DGKH: variants seen among roughly 807,000 people sequenced by gnomAD.
DGKH encodes DAG kinase eta.
Under a neutral mutation model 159.3 loss-of-function variants are expected in DGKH, and 90 were observed. That is an observed-to-expected ratio of 0.57 (90% CI 0.48 to 0.67). The LOEUF (loss-of-function observed/expected upper bound fraction) is 0.67, where lower values mean the gene tolerates loss of function less well. DGKH is among the 30% of genes least tolerant of loss of function. The probability of loss-of-function intolerance (pLI) is 0.00; values close to 1 mark genes in which losing one functional copy is unlikely to be tolerated. For missense variants in DGKH, 1,181 were observed against 1,506.1 expected (o/e 0.78, Z 3.57); for synonymous variants, 536 against 553.8 (o/e 0.97, Z 0.45).
intron 11 of DGKH, 56 bp downstream of exon 11, chr13:42,168,874 T>C (rs1179157237): frequency 1.6e-5 from 25 of 1,527,906 alleles, no homozygotes; most frequent in Non-Finnish European, 2.2e-5. Context: ...GAAATCATTT[T>C]TTTGATGATT....
At chr13:42,094,745 A>G (rs1337294981) in intron 1 of DGKH, among the ~76,000 whole-genome samples, 1 of 152,180 alleles carries the variant, frequency 6.6e-6, no homozygotes, top group African/African-American at 2.4e-5. Flanking sequence ...GTTTATGCAA[A>G]GCCCATATGT....
Position 42,221,263 on chromosome 13 carries a change from G to T in DGKH, c.3443-1G>T. ...GGGGGTTTTGCTCTTAACTTTGGTA[G>T]TTCAGAAATGGGGCACAGAGGAAGT... On this transcript the variant is annotated splice_acceptor_variant, in intron 28 of 29. Coordinates refer to ENST00000337343, the MANE Select transcript of DGKH (RefSeq NM_178009.5). LOFTEE classifies it high-confidence loss of function. 6.2e-7 allele frequency: 1 copy of T among 1,613,190 alleles called. No homozygotes were observed. Among genetic ancestry groups the T allele is most frequent in the Non-Finnish European group, 8.5e-7 (1 of 1,179,412 alleles).
intron 3 of DGKH, chr13:42,153,828 C>T (rs1450579292): frequency 2.6e-5 from 4 of 152,340 alleles, no homozygotes; most frequent in African/African-American, 7.2e-5. Flanking sequence ...GTGAGGTTCT[C>T]TTCAATTTCA....
Position 42,200,059 on chromosome 13 carries a change from G to A in DGKH, c.2493+150G>A, listed in dbSNP as rs41288305. The A allele has an allele frequency of 2.7e-3, 1,759 of 643,562 alleles. 5 individuals are homozygous for A. Among genetic ancestry groups the A allele is most frequent in the Non-Finnish European group, 4.0e-3 (1,575 of 389,372 alleles). The allele number at this position is 643,562 out of a possible 1,614,324, so 39.9% of individuals were successfully genotyped here. On this transcript the variant is annotated intron_variant, in intron 20 of 29. Coordinates refer to ENST00000337343, the MANE Select transcript of DGKH (RefSeq NM_178009.5). ...ATGTGATTATCAACTTTGTACTAAA[G>A]GAAGTATATACACAGGATATGAATG... is the stretch of plus-strand genomic sequence containing the variant.
rs866365388 is a variant in DGKH at position 42,237,299 on chromosome 13, T to G, written c.*8111T>G. The G allele has an allele frequency of 4.0e-4, 61 of 152,220 alleles. No individual in the cohort carries two copies. Among genetic ancestry groups the G allele is most frequent in the African/African-American group, 1.4e-3 (58 of 41,450 alleles). The allele number at this position is 152,220 out of a possible 1,614,324, so 9.4% of individuals were successfully genotyped here. On this transcript the variant is annotated 3_prime_UTR_variant, in exon 30 of 30. Coordinates refer to ENST00000337343, the MANE Select transcript of DGKH (RefSeq NM_178009.5). Reference sequence around the variant, plus strand: ...TAGCGGTTGATGTATTGTGTACTGTTTAAGAACTCATAGGAGACTAATAAT... The same window carrying G: ...TAGCGGTTGATGTATTGTGTACTGTGTAAGAACTCATAGGAGACTAATAAT...
At chr13:42,124,044 A>G (rs577466049) in intron 1 of DGKH, among the ~76,000 whole-genome samples, 20 of 152,348 alleles carry the variant, frequency 1.3e-4, no homozygotes, top group African/African-American at 4.8e-4. Context: ...TGATATCTCA[A>G]TAAAGTTGTA....
intron 2 of DGKH, 24 bp downstream of exon 2, chr13:42,127,597 C>A (rs1456742110): frequency 2.5e-6 from 4 of 1,604,868 alleles, no homozygotes; most frequent in Non-Finnish European, 3.4e-6. Flanking sequence ...ATACTAGTTT[C>A]AAGCAATTGA....
At chr13:42,072,158 G>A (rs1372005897) in intron 1 of DGKH, among the ~76,000 whole-genome samples, 5 of 152,186 alleles carry the variant, frequency 3.3e-5, no homozygotes, top group African/African-American at 1.2e-4. Context: ...CAGTTAGTAA[G>A]CAGGCATATT....
At chr13:42,138,313 G>A (rs950875357) in intron 3 of DGKH, among the ~76,000 whole-genome samples, 1 of 152,190 alleles carries the variant, frequency 6.6e-6, no homozygotes, top group East Asian at 1.9e-4. Context: ...AGAGCTAAAT[G>A]ACCATCTTTC....
chr13:42,153,044 T>G (rs1017583622), intron 3 of DGKH, among the ~76,000 whole-genome samples: 2 of 138,168 alleles, frequency 1.4e-5, no homozygotes, highest in Non-Finnish European at 1.7e-5. Context: ...AATTTTCCAG[T>G]TTTTTTTGCC....
intron 1 of DGKH, among the ~76,000 whole-genome samples, chr13:42,071,437 C>T (rs1051894871): frequency 2.6e-5 from 4 of 152,226 alleles, no homozygotes; most frequent in African/African-American, 9.6e-5. Context: ...CTCTGCTAAA[C>T]GATTTAACAT....
In DGKH at chr13:42,233,461, G is replaced by A. The variant is rs1442505578; in HGVS notation, c.*4273G>A. 3 of 152,188 alleles carry A rather than the reference G, an allele frequency of 2.0e-5. No homozygotes were observed. The highest frequency in any genetic ancestry group is 2.9e-5 in the Non-Finnish European group (2 of 68,054). 9.4% of individuals were successfully genotyped at this position (152,188 alleles called of 1,614,324 possible). A position where few individuals can be genotyped will look rare whatever the true frequency, so the allele number is the denominator to read the frequency against. On this transcript the variant is annotated 3_prime_UTR_variant, in exon 30 of 30. Transcript: ENST00000337343. ...CTTAGCTATTAGGGATGTGAGGTCC[G>A]AGGGCTTCAAAAGGTCCCCGGAATA...
chr13:42,219,352 A>G lies in DGKH; in HGVS notation c.3333+3A>G, dbSNP rs1224394505. ...TCTTACACCCAAATGAGGATGAGGT[A>G]TGTAAAATTCAGCCTGTTTCTCTAG... On this transcript the variant is annotated splice_donor_region_variant and intron_variant, in intron 27 of 29. Coordinates refer to ENST00000337343, the MANE Select transcript of DGKH (RefSeq NM_178009.5). 1.2e-6 allele frequency: 2 copies of G among 1,613,222 alleles called. No homozygotes were observed. Among genetic ancestry groups the G allele is most frequent in the South Asian group, 1.1e-5 (1 of 90,780 alleles).
intron 1 of DGKH, among the ~76,000 whole-genome samples, chr13:42,092,772 G>A (rs1954445250): frequency 6.6e-6 from 1 of 152,028 alleles, no homozygotes; most frequent in Admixed American, 6.6e-5. Context: ...ACAAAGAAAA[G>A]GTAAATGTTT....
At chr13:42,151,492 T>TGTGC (rs1192484454) in intron 3 of DGKH, among the ~76,000 whole-genome samples, 1 of 118,486 alleles carries the variant, frequency 8.4e-6, no homozygotes, top group Non-Finnish European at 1.8e-5. Flanking sequence ...TGTGTGTGTG[T>TGTGC]GTGTGTGTGT....
intron 12 of DGKH, among the ~76,000 whole-genome samples, chr13:42,177,906 A>G (rs892702398): frequency 2.6e-5 from 4 of 152,210 alleles, no homozygotes; most frequent in Admixed American, 6.5e-5. Flanking sequence ...AATTTTGTAA[A>G]GGAGTTTTTA....
intron 12 of DGKH, among the ~76,000 whole-genome samples, chr13:42,176,443 G>A (rs1297711779): frequency 6.6e-6 from 1 of 152,144 alleles, no homozygotes; most frequent in Non-Finnish European, 1.5e-5. Context: ...GGATTTGTGG[G>A]TAAATGCAAC....
rs577921909 is a variant in DGKH, at chr13:42,069,429, C to A, written c.192+20464C>A. 3 of 1,548,516 alleles carry A rather than the reference C, an allele frequency of 1.9e-6. No individual in the cohort carries two copies. The East Asian group carries it at 6.8e-5, about 35-fold the overall frequency. ...TTTCAATTCTAGTTGGGACACTGAG[C>A]TATTCAAGTCGATTTAATTTATCAA... On this transcript the variant is annotated intron_variant, in intron 1 of 29. Coordinates refer to ENST00000337343, the MANE Select transcript of DGKH (RefSeq NM_178009.5).
intron 13 of DGKH, among the ~76,000 whole-genome samples, chr13:42,185,420 C>T (rs1281013885): frequency 6.6e-6 from 1 of 152,134 alleles, no homozygotes; most frequent in Non-Finnish European, 1.5e-5. Flanking sequence ...TGACATGGCA[C>T]ACTGAGGAGG....
Sources: allele counts gnomAD v4.1 joint callset (sites outside exome capture counted in the v4.1 genomes callset), GRCh38; gene constraint gnomAD v4.1.1; transcripts MANE v1.5; gene names NCBI Gene and HGNC (gene_info 2026-07-23, HGNC 2026-07-21).